JPH1: variants seen among roughly 807,000 people sequenced by gnomAD.
The protein encoded by JPH1 is junctophilin-1.
JPH1 carries 12 observed loss-of-function variants against 53.6 expected under a neutral mutation model. The ratio of observed to expected loss-of-function variants is 0.22; its 90% CI spans 0.14 to 0.36. The LOEUF (loss-of-function observed/expected upper bound fraction) is 0.36, where lower values mean the gene tolerates loss of function less well. Ranked by LOEUF, JPH1 falls within the 10% of genes least tolerant of loss-of-function variation. The probability of loss-of-function intolerance (pLI) is 1.00; values close to 1 mark genes in which losing one functional copy is unlikely to be tolerated. For synonymous variants in JPH1, 375 were observed against 363.8 expected (o/e 1.03, Z -0.35); for missense variants, 808 against 905.5 (o/e 0.89, Z 1.38).
chr8:74,265,368 A>G (rs1038957571), intron 2 of JPH1, among the ~76,000 whole-genome samples: 1 of 152,194 alleles, frequency 6.6e-6, no homozygotes, highest in Non-Finnish European at 1.5e-5. Flanking sequence ...ATTCCTTAAC[A>G]TTTGATCAAA....
chr8:74,304,333 A>T (rs1807772133), intron 2 of JPH1, among the ~76,000 whole-genome samples: 2 of 152,106 alleles, frequency 1.3e-5, no homozygotes, highest in South Asian at 4.1e-4. Context: ...GGCTACCATC[A>T]CCCCTTCCAG....
chr8:74,280,789 A>T (rs1806991180), intron 2 of JPH1, among the ~76,000 whole-genome samples: 1 of 152,338 alleles, frequency 6.6e-6, no homozygotes, highest in African/African-American at 2.4e-5. Flanking sequence ...TATACACTCA[A>T]ATAATACACA....
intron 1 of JPH1, among the ~76,000 whole-genome samples, chr8:74,316,141 G>A (rs145695779): frequency 1.3e-5 from 2 of 152,238 alleles, no homozygotes; most frequent in Non-Finnish European, 2.9e-5. Context: ...TCAAATGAAC[G>A]TCTTAAATTT....
intron 2 of JPH1, among the ~76,000 whole-genome samples, chr8:74,288,836 T>C (rs1807242691): frequency 6.6e-6 from 1 of 152,248 alleles, no homozygotes; most frequent in Non-Finnish European, 1.5e-5. Flanking sequence ...AACCACAGAC[T>C]TATGTAACTG....
intron 3 of JPH1, among the ~76,000 whole-genome samples, chr8:74,256,887 G>T (rs930443887): frequency 6.6e-6 from 1 of 152,180 alleles, no homozygotes; most frequent in Non-Finnish European, 1.5e-5. Context: ...GCTATGACAG[G>T]CATCTTTTAT....
At chr8:74,318,320 G>C (rs1586781470) in intron 1 of JPH1, among the ~76,000 whole-genome samples, 1 of 152,164 alleles carries the variant, frequency 6.6e-6, no homozygotes, top group Admixed American at 6.5e-5. Flanking sequence ...GTAGTGGAAG[G>C]CATCCAGTTT....
At chr8:74,302,143 CA>C (rs1385918598) in intron 2 of JPH1, among the ~76,000 whole-genome samples, 1 of 152,182 alleles carries the variant, frequency 6.6e-6, no homozygotes, top group Admixed American at 6.5e-5. Flanking sequence ...TGTGTGTAGC[CA>C]AAAGGTATCA....
At chr8:74,269,643 C>T (rs1806641359) in intron 2 of JPH1, among the ~76,000 whole-genome samples, 1 of 152,184 alleles carries the variant, frequency 6.6e-6, no homozygotes, top group South Asian at 2.1e-4. Flanking sequence ...TTATAAAACA[C>T]TGTTTGAACT....
Position 74,235,516 on chromosome 8 carries a change from C to G in JPH1, c.*1535G>C, listed in dbSNP as rs1203817236. 2.6e-5 allele frequency: 4 copies of G among 151,244 alleles called. No individual in the cohort carries two copies. Among genetic ancestry groups the G allele is most frequent in the South Asian group, 2.1e-4 (1 of 4,778 alleles). The allele number at this position is 151,244 out of a possible 1,614,324, so 9.4% of individuals were successfully genotyped here. A position where few individuals can be genotyped will look rare whatever the true frequency, so the allele number is the denominator to read the frequency against. ...ATATGGTGTAAAAAAAAAAAAAAAT[C>G]TGATTAAACCATGCAAATCATGAAA... is the stretch of plus-strand genomic sequence containing the variant. On this transcript the variant is annotated 3_prime_UTR_variant, in exon 6 of 6. Coordinates refer to ENST00000342232, the MANE Select transcript of JPH1 (RefSeq NM_020647.4).
intron 2 of JPH1, among the ~76,000 whole-genome samples, chr8:74,263,371 A>G (rs1296511061): frequency 6.6e-6 from 1 of 152,222 alleles, no homozygotes; most frequent in Admixed American, 6.5e-5. Context: ...AAAACTTGAC[A>G]GCAGAGGCGA....
intron 3 of JPH1, among the ~76,000 whole-genome samples, chr8:74,256,939 A>C (rs1424887802): frequency 6.6e-6 from 1 of 152,182 alleles, no homozygotes; most frequent in Non-Finnish European, 1.5e-5. Context: ...ATGCATTCCA[A>C]ACAATGGAGA....
At chr8:74,275,615 C>T (rs980248436) in intron 2 of JPH1, among the ~76,000 whole-genome samples, 2 of 152,176 alleles carry the variant, frequency 1.3e-5, no homozygotes, top group Admixed American at 6.5e-5. Flanking sequence ...GTGAGCGGCT[C>T]TTTCACCGTA....
intron 4 of JPH1, among the ~76,000 whole-genome samples, chr8:74,241,950 A>G (rs1000192375): frequency 3.3e-5 from 5 of 152,200 alleles, no homozygotes; most frequent in African/African-American, 1.2e-4. Flanking sequence ...TGACCCTACC[A>G]GAGTTGTCAT....
chr8:74,303,614 T>G (rs1270258725), intron 2 of JPH1, among the ~76,000 whole-genome samples: 1 of 152,138 alleles, frequency 6.6e-6, no homozygotes, highest in Non-Finnish European at 1.5e-5. Context: ...GACAGGGTCT[T>G]GCTCTGTCAC....
At chr8:74,317,058 A>G (rs889880270) in intron 1 of JPH1, among the ~76,000 whole-genome samples, 2 of 152,224 alleles carry the variant, frequency 1.3e-5, no homozygotes, top group African/African-American at 4.8e-5. Context: ...TTTGCATTTT[A>G]TATTTCCATG....
At position 74,245,722 on chromosome 8, in the gene JPH1, AT is replaced by A. The variant is rs767111999; in HGVS notation, c.1259-548del. Among the ~76,000 whole-genome samples, 15 of 152,276 alleles carry A rather than the reference AT, an allele frequency of 9.9e-5. 1 individual carries two copies. The East Asian group carries it at 2.7e-3, about 27-fold the overall frequency. ...CCATTCACAGCTATGGAAAACACGG[AT>A]TTGCACAAGCAGTGTTTTGCAGGTA... is the stretch of plus-strand genomic sequence containing the variant. On this transcript the variant is annotated intron_variant, in intron 3 of 5. Coordinates refer to ENST00000342232, the MANE Select transcript of JPH1 (RefSeq NM_020647.4).
chr8:74,258,812 T>C (rs1173460380), intron 3 of JPH1, among the ~76,000 whole-genome samples: 2 of 152,226 alleles, frequency 1.3e-5, no homozygotes, highest in African/African-American at 4.8e-5. Flanking sequence ...TCAAACTTTG[T>C]TGGTCATATG....
At chr8:74,299,270 T>C (rs1384035055) in intron 2 of JPH1, among the ~76,000 whole-genome samples, 3 of 152,234 alleles carry the variant, frequency 2.0e-5, no homozygotes, top group Non-Finnish European at 4.4e-5. Context: ...GTCTTTCTAA[T>C]ATTTCTCCCT....
rs1051139618 is a variant in JPH1 at position 74,255,060 on chromosome 8, G to A, written c.1258+4325C>T. Among the ~76,000 whole-genome samples the A allele has an allele frequency of 3.1e-4, 47 of 152,034 alleles. 2 individuals are homozygous for A. The highest frequency in any genetic ancestry group is 1.1e-3 in the African/African-American group (45 of 41,346). The stretch of plus-strand genomic sequence containing the variant: ...AAAAAACTACTTTCAAGTTCATATG[G>A]AACCAAAAAAGAGCCTGCATTGCCA... On this transcript the variant is annotated intron_variant, in intron 3 of 5. Transcript: ENST00000342232.
Sources: gnomAD v4.1 joint callset for allele counts (sites outside exome capture counted in the v4.1 genomes callset) on GRCh38, gnomAD v4.1.1 for gene constraint, MANE v1.5 for transcripts, NCBI Gene and HGNC (gene_info 2026-07-23, HGNC 2026-07-21) for gene names.